Variants in KCNJ6 observed in about 807,000 individuals in gnomAD.
KCNJ6 encodes the protein G protein-activated inward rectifier potassium channel 2.
Under a neutral mutation model 34.2 loss-of-function variants are expected in KCNJ6, and 9 were observed. That is an observed-to-expected ratio of 0.26 (90% CI 0.16 to 0.46). The LOEUF (loss-of-function observed/expected upper bound fraction) is 0.46, where lower values mean the gene tolerates loss of function less well. Among genes scored for constraint, KCNJ6 ranks in the 20% least tolerant of loss-of-function variants. The pLI is 1.00. For synonymous variants in KCNJ6, 196 were observed against 207.1 expected (o/e 0.95, Z 0.46); for missense variants, 236 against 531.3 (o/e 0.44, Z 5.46).
intron 2 of KCNJ6, among the ~76,000 whole-genome samples, chr21:37,759,307 C>T (rs1180249059): frequency 6.6e-6 from 1 of 152,226 alleles, no homozygotes; most frequent in East Asian, 1.9e-4. Flanking sequence ...TGTTCCCAGA[C>T]ACACCACTGT....
At chr21:37,886,679 C>G (rs2055737034) in intron 1 of KCNJ6, among the ~76,000 whole-genome samples, 1 of 152,202 alleles carries the variant, frequency 6.6e-6, no homozygotes, top group African/African-American at 2.4e-5. Context: ...CCCCTCTTAA[C>G]AGACGAAGAG....
chr21:37,684,391 C>T (rs1219337760), intron 3 of KCNJ6, among the ~76,000 whole-genome samples: 1 of 151,864 alleles, frequency 6.6e-6, no homozygotes, highest in Non-Finnish European at 1.5e-5. Flanking sequence ...GGACTATGGT[C>T]TGCTCTTCTC....
chr21:37,707,899 G>A (rs1343192463), intron 3 of KCNJ6, among the ~76,000 whole-genome samples: 1 of 151,832 alleles, frequency 6.6e-6, no homozygotes. Context: ...GACTTCACAC[G>A]ATTTGACGTT....
intron 2 of KCNJ6, among the ~76,000 whole-genome samples, chr21:37,756,348 A>G (rs949201266): frequency 1.3e-5 from 2 of 152,228 alleles, no homozygotes; most frequent in Non-Finnish European, 2.9e-5. Flanking sequence ...CCCATTGAAG[A>G]CAGTGTGGGC....
Position 37,862,658 on chromosome 21 carries a change from G to A in KCNJ6, c.-27-21949C>T, listed in dbSNP as rs77192103. On this transcript the variant is annotated intron_variant, in intron 1 of 3. Coordinates refer to ENST00000609713, the MANE Select transcript of KCNJ6 (RefSeq NM_002240.5). The stretch of plus-strand genomic sequence containing the variant: ...TGTTTACCCTGTGTAGATAGTCAGA[G>A]AAATATGAAGAAACTGGGGGTTCTT... 7.3e-3 allele frequency among the ~76,000 whole-genome samples: 1,110 copies of A among 152,300 alleles called. 11 individuals are homozygous for A. Among genetic ancestry groups the A allele is most frequent in the African/African-American group, 0.024 (1,006 of 41,554 alleles).
At chr21:37,734,482 C>A (rs1379552618) in intron 2 of KCNJ6, among the ~76,000 whole-genome samples, 2 of 152,280 alleles carry the variant, frequency 1.3e-5, no homozygotes, top group East Asian at 3.9e-4. Context: ...ATTGATCTGT[C>A]TTAACAAAAA....
chr21:37,730,389 A>G (rs769204630), intron 2 of KCNJ6, among the ~76,000 whole-genome samples: 6 of 152,216 alleles, frequency 3.9e-5, no homozygotes, highest in Non-Finnish European at 8.8e-5. Context: ...GTATTTGTTC[A>G]GGCCACTTCT....
chr21:37,661,745 C>A (rs2054490427), intron 3 of KCNJ6, among the ~76,000 whole-genome samples: 1 of 150,194 alleles, frequency 6.7e-6, no homozygotes, highest in Non-Finnish European at 1.5e-5. Flanking sequence ...GCCTCAGCCT[C>A]TTGAGTAGCT....
intron 3 of KCNJ6, among the ~76,000 whole-genome samples, chr21:37,713,074 C>T (rs2054770849): frequency 6.6e-6 from 1 of 152,054 alleles, no homozygotes; most frequent in Non-Finnish European, 1.5e-5. Flanking sequence ...CACACCACCA[C>T]CGTAAAAGAA....
At chr21:37,914,008 G>GTTGT (rs1555855560) in intron 1 of KCNJ6, among the ~76,000 whole-genome samples, 2 of 135,480 alleles carry the variant, frequency 1.5e-5, no homozygotes, top group Non-Finnish European at 3.2e-5. Context: ...GGCGGATCGG[G>GTTGT]GTGTGTGTGT....
In KCNJ6 at chr21:37,616,264, C is replaced by G. The variant is rs1316109299; in HGVS notation, c.*8895G>C. On this transcript the variant is annotated 3_prime_UTR_variant, in exon 4 of 4. Transcript: ENST00000609713. The stretch of plus-strand genomic sequence containing the variant: ...GTGCAGACAGTGGGAAAGGAAAGAG[C>G]ACTTTGCCAACACAGGCAGACACTT... 6.6e-6 allele frequency: 1 copy of G among 152,186 alleles called. No homozygotes were observed. Among genetic ancestry groups the G allele is most frequent in the Non-Finnish European group, 1.5e-5 (1 of 68,056 alleles). The allele number at this position is 152,186 out of a possible 1,614,324, so 9.4% of individuals were successfully genotyped here. A position where few individuals can be genotyped will look rare whatever the true frequency, so the allele number is the denominator to read the frequency against.
At chr21:37,750,294 G>A (rs918731555) in intron 2 of KCNJ6, among the ~76,000 whole-genome samples, 1 of 152,202 alleles carries the variant, frequency 6.6e-6, no homozygotes, top group Admixed American at 6.5e-5. Context: ...GTGTAAATTA[G>A]TTCAGCCATT....
intron 2 of KCNJ6, among the ~76,000 whole-genome samples, chr21:37,802,508 G>C (rs567662783): frequency 6.6e-6 from 1 of 152,268 alleles, no homozygotes; most frequent in South Asian, 2.1e-4. Context: ...GAGAGAGAGA[G>C]ATTGGAAGAG....
At chr21:37,703,868 A>G (rs1254394204) in intron 3 of KCNJ6, among the ~76,000 whole-genome samples, 1 of 152,238 alleles carries the variant, frequency 6.6e-6, no homozygotes, top group African/African-American at 2.4e-5. Context: ...AGCCTCTTCA[A>G]TGTCGGGGAT....
intron 3 of KCNJ6, among the ~76,000 whole-genome samples, chr21:37,710,571 C>T (rs2054746245): frequency 6.6e-6 from 1 of 152,180 alleles, no homozygotes; most frequent in African/African-American, 2.4e-5. Flanking sequence ...TGGGCAAGTG[C>T]TGCCTGTCGC....
rs146271646 is a variant in KCNJ6 at position 37,787,324 on chromosome 21, G to A, written c.25+53334C>T. Among the ~76,000 whole-genome samples, 130 of 152,260 alleles carry A rather than the reference G, an allele frequency of 8.5e-4. No homozygotes were observed. In the Middle Eastern group the frequency reaches 0.017, roughly 20 times the overall value. On this transcript the variant is annotated intron_variant, in intron 2 of 3. Coordinates refer to ENST00000609713, the MANE Select transcript of KCNJ6 (RefSeq NM_002240.5). The stretch of plus-strand genomic sequence containing the variant: ...GTAGAGGGGGCTGAATAGTATAACA[G>A]CTTCATGTTCCTCAAGGAGCTCTAC...
intron 3 of KCNJ6, among the ~76,000 whole-genome samples, chr21:37,676,249 G>GTGTACC (rs1556017553): frequency 1.6e-4 from 25 of 152,330 alleles, no homozygotes; most frequent in African/African-American, 5.8e-4. Context: ...GGGTACAGGG[G>GTGTACC]TCCTTTCTCC....
chr21:37,845,794 G>A (rs1033699592), intron 1 of KCNJ6, among the ~76,000 whole-genome samples: 4 of 152,086 alleles, frequency 2.6e-5, no homozygotes, highest in Non-Finnish European at 5.9e-5. Context: ...GGAACTACTC[G>A]TCAACAGCTG....
In KCNJ6 at chr21:37,712,735, T is replaced by C. The variant is rs935523263; in HGVS notation, c.946+1476A>G. Among the ~76,000 whole-genome samples, 221 of 48,798 alleles carry C rather than the reference T, an allele frequency of 4.5e-3. 26 individuals are homozygous for C. The highest frequency in any genetic ancestry group is 6.4e-3 in the Non-Finnish European group (135 of 20,982). 32.0% of individuals were successfully genotyped at this position (48,798 alleles called of 152,430 possible). A position where few individuals can be genotyped will look rare whatever the true frequency, so the allele number is the denominator to read the frequency against. On this transcript the variant is annotated intron_variant, in intron 3 of 3. Coordinates refer to ENST00000609713, the MANE Select transcript of KCNJ6 (RefSeq NM_002240.5). ...CTTTCTCTTCCCTCCTTCCTCCCCT[T>C]CTCCTCCTCTCCTTCCTCCCCTTCC... is the stretch of plus-strand genomic sequence containing the variant.
Sources: allele counts gnomAD v4.1 joint callset (sites outside exome capture counted in the v4.1 genomes callset), GRCh38; gene constraint gnomAD v4.1.1; transcripts MANE v1.5; gene names NCBI Gene and HGNC (gene_info 2026-07-23, HGNC 2026-07-21).